Variants in TDRD10 observed in about 807,000 individuals in gnomAD.
TDRD10 encodes the protein tudor domain-containing protein 10.
TDRD10 carries 40 observed loss-of-function variants against 48.0 expected under a neutral mutation model. The observed-to-expected ratio is 0.83, with a 90% CI of 0.65 to 1.09. TDRD10 has a LOEUF of 1.09. Among genes scored for constraint, TDRD10 ranks in the 50% least tolerant of loss-of-function variants. The pLI, the probability that TDRD10 is intolerant of heterozygous loss-of-function variation, is 0.00. For synonymous variants in TDRD10, 162 were observed against 170.4 expected (o/e 0.95, Z 0.38); for missense variants, 378 against 434.7 (o/e 0.87, Z 1.16).
intron 12 of TDRD10, 56 bp downstream of exon 12, chr1:154,547,535 G>A (rs775653735): frequency 3.3e-5 from 53 of 1,614,108 alleles, no homozygotes; most frequent in Non-Finnish European, 4.5e-5. Flanking sequence ...CCCTTGGGGT[G>A]TCTGCAGCAG....
intron 9 of TDRD10, 77 bp from the exon 10 acceptor site, chr1:154,544,295 C>T: frequency 1.3e-6 from 2 of 1,545,384 alleles, no homozygotes; most frequent in Non-Finnish European, 1.8e-6. Context: ...GCGGTGCTAA[C>T]ATAACAGGTG....
intron 11 of TDRD10, among the ~76,000 whole-genome samples, chr1:154,546,025 G>C (rs1186220061): frequency 1.4e-5 from 2 of 142,486 alleles, no homozygotes; most frequent in Non-Finnish European, 3.0e-5. Context: ...CGCCCACCTC[G>C]GCCTCCCAAA....
intron 2 of TDRD10, 105 bp downstream of exon 2, chr1:154,507,010 G>A (rs146563764): frequency 0.019 from 30,829 of 1,606,596 alleles, 500 homozygotes; most frequent in Non-Finnish European, 0.021. Context: ...GTCACCCCTG[G>A]CATCTCTTGC....
intron 4 of TDRD10, among the ~76,000 whole-genome samples, chr1:154,513,855 A>C (rs1693609216): frequency 6.6e-6 from 1 of 152,204 alleles, no homozygotes; most frequent in South Asian, 2.1e-4. Flanking sequence ...TCAGTCACGG[A>C]AAAATTAAAG....
At chr1:154,510,260 A>AT (rs397863678) in intron 4 of TDRD10, among the ~76,000 whole-genome samples, 1 of 122,290 alleles carries the variant, frequency 8.2e-6, no homozygotes, top group Non-Finnish European at 1.8e-5. Context: ...AAAAAAAAAA[A>AT]TTTTGAATGG....
intron 3 of TDRD10, among the ~76,000 whole-genome samples, chr1:154,507,594 C>G (rs1298976925): frequency 1.3e-5 from 2 of 152,190 alleles, no homozygotes; most frequent in Non-Finnish European, 2.9e-5. Flanking sequence ...TTTCCCTCTA[C>G]CATCTCCAAA....
intron 4 of TDRD10, among the ~76,000 whole-genome samples, chr1:154,510,126 A>T (rs915701396): frequency 6.6e-6 from 1 of 152,086 alleles, no homozygotes; most frequent in African/African-American, 2.4e-5. Context: ...TTTCTAGACC[A>T]GGCATGGTAG....
At chr1:154,531,125 G>A (rs10752643) in intron 6 of TDRD10, among the ~76,000 whole-genome samples, 119,452 of 152,062 alleles carry the variant, frequency 0.79, 47,644 homozygotes, top group East Asian at 0.92. Context: ...ACAGGTGTGA[G>A]CCACCACGCC....
At chr1:154,504,897 G>C (rs528520734) in intron 1 of TDRD10, among the ~76,000 whole-genome samples, 1 of 152,278 alleles carries the variant, frequency 6.6e-6, no homozygotes, top group South Asian at 2.1e-4. Context: ...TGAGGTGGGA[G>C]AATCGCTTGA....
At chr1:154,506,656 G>A (rs144237734) in intron 1 of TDRD10, among the ~76,000 whole-genome samples, 79 of 152,322 alleles carry the variant, frequency 5.2e-4, no homozygotes, top group Middle Eastern at 6.8e-3. Flanking sequence ...GGTTACAGGC[G>A]TGAGCCACAG....
Position 154,520,760 on chromosome 1 carries a change from C to T in TDRD10, c.212+386C>T, listed in dbSNP as rs145883808. Among the ~76,000 whole-genome samples the T allele has an allele frequency of 1.5e-3, 233 of 152,288 alleles. 2 individuals carry two copies. Among genetic ancestry groups the T allele is most frequent in the African/African-American group, 5.3e-3 (220 of 41,558 alleles). On this transcript the variant is annotated intron_variant, in intron 5 of 12. Transcript: ENST00000368482. Reference sequence around the variant, plus strand: ...GCTTTGAACGTTTGTTTGTTTGAGACAGGGTCTTGCTCTGTCGCTCAGGCC... The same window carrying T: ...GCTTTGAACGTTTGTTTGTTTGAGATAGGGTCTTGCTCTGTCGCTCAGGCC...
In TDRD10 at chr1:154,548,062, C is replaced by G. The variant is rs892257279; in HGVS notation, c.*352C>G. The G allele has an allele frequency of 1.6e-4, 50 of 316,782 alleles. No homozygotes were observed. The highest frequency in any genetic ancestry group is 1.3e-3 in the Admixed American group (28 of 21,788). The allele number at this position is 316,782 out of a possible 1,614,324, so 19.6% of individuals were successfully genotyped here. A position where few individuals can be genotyped will look rare whatever the true frequency, so the allele number is the denominator to read the frequency against. Reference sequence around the variant, plus strand: ...TAACAGATTCTGGATAATGGAGAAGCCCTCTGCTGGTTTTCCTGGCATTCC... The same window carrying G: ...TAACAGATTCTGGATAATGGAGAAGGCCTCTGCTGGTTTTCCTGGCATTCC... On this transcript the variant is annotated 3_prime_UTR_variant, in exon 13 of 13. Transcript: ENST00000368482.
chr1:154,527,369 G>C (rs1694372193), intron 6 of TDRD10, among the ~76,000 whole-genome samples: 1 of 152,218 alleles, frequency 6.6e-6, no homozygotes, highest in South Asian at 2.1e-4. Context: ...TTCAGGTAGA[G>C]TGGTAGATCT....
chr1:154,520,101 TGCTTG>T (rs1455235805), intron 4 of TDRD10, among the ~76,000 whole-genome samples, 198 bp from the exon 5 acceptor site: 1 of 152,204 alleles, frequency 6.6e-6, no homozygotes, highest in African/African-American at 2.4e-5. Context: ...TCTGCATCGC[TGCTTG>T]GCTGGTGAGC....
At chr1:154,536,686 G>A (rs1003232732) in intron 6 of TDRD10, among the ~76,000 whole-genome samples, 2 of 152,182 alleles carry the variant, frequency 1.3e-5, no homozygotes, top group African/African-American at 4.8e-5. Context: ...AGGGCCCCCA[G>A]CAGCCCTCAG....
At chr1:154,511,676 C>T (rs1012057648) in intron 4 of TDRD10, among the ~76,000 whole-genome samples, 4 of 151,836 alleles carry the variant, frequency 2.6e-5, no homozygotes, top group African/African-American at 9.7e-5. Context: ...GGTGAAACCC[C>T]ATCTCTACTA....
intron 6 of TDRD10, chr1:154,534,657 T>A: frequency 6.6e-6 from 1 of 152,280 alleles, no homozygotes; most frequent in Non-Finnish European, 1.5e-5. Flanking sequence ...CAATTTCTTG[T>A]ATGCTTCAGT....
intron 4 of TDRD10, among the ~76,000 whole-genome samples, chr1:154,517,512 C>G (rs550423295): frequency 2.0e-5 from 3 of 151,740 alleles, no homozygotes; most frequent in Non-Finnish European, 4.4e-5. Context: ...CCCTCTGCCC[C>G]CTGGGGTTTA....
intron 6 of TDRD10, among the ~76,000 whole-genome samples, chr1:154,523,453 A>G (rs545997596): frequency 6.6e-5 from 10 of 152,314 alleles, no homozygotes; most frequent in Admixed American, 2.0e-4. Context: ...GACTCAGTAC[A>G]TGTAGGGTAG....
Sources: allele counts gnomAD v4.1 joint callset (sites outside exome capture counted in the v4.1 genomes callset), GRCh38; gene constraint gnomAD v4.1.1; transcripts MANE v1.5; gene names NCBI Gene and HGNC (gene_info 2026-07-23, HGNC 2026-07-21).